Variants in SLCO5A1 observed in about 807,000 individuals in gnomAD.
SLCO5A1 encodes the protein organic anion transporter polypeptide-related protein 4.
SLCO5A1 carries 39 observed loss-of-function variants against 65.1 expected under a neutral mutation model. The ratio of observed to expected loss-of-function variants is 0.60; its 90% CI spans 0.46 to 0.78. The LOEUF (loss-of-function observed/expected upper bound fraction) is 0.78, where lower values mean the gene tolerates loss of function less well. SLCO5A1 is among the 30% of genes least tolerant of loss of function. The pLI, the probability that SLCO5A1 is intolerant of heterozygous loss-of-function variation, is 0.00. For missense variants in SLCO5A1, 1,029 were observed against 1,069.4 expected, an observed-to-expected ratio of 0.96 and a Z score of 0.53; for synonymous variants, 438 against 415.7, an observed-to-expected ratio of 1.05 and a Z score of -0.65.
chr8:69,821,298 G>T (rs1820627317), intron 2 of SLCO5A1, among the ~76,000 whole-genome samples: 1 of 152,040 alleles, frequency 6.6e-6, no homozygotes, highest in Admixed American at 6.6e-5. Flanking sequence ...GGTGGAGGTT[G>T]CAGTGAGCTC....
At chr8:69,821,128 T>C (rs1355341243) in intron 2 of SLCO5A1, among the ~76,000 whole-genome samples, 1 of 152,028 alleles carries the variant, frequency 6.6e-6, no homozygotes, top group Non-Finnish European at 1.5e-5. Context: ...TATATTACTA[T>C]AAAATCTTGA....
intron 2 of SLCO5A1, among the ~76,000 whole-genome samples, chr8:69,764,070 G>A (rs1817937214): frequency 6.6e-6 from 1 of 152,060 alleles, no homozygotes; most frequent in Non-Finnish European, 1.5e-5. Context: ...TTACCACGTT[G>A]GCCATACTGG....
At chr8:69,684,460 T>C (rs1246617038) in intron 6 of SLCO5A1, among the ~76,000 whole-genome samples, 1 of 152,150 alleles carries the variant, frequency 6.6e-6, no homozygotes, top group African/African-American at 2.4e-5. Flanking sequence ...CTAGTTGCTT[T>C]GCTAATTATA....
At chr8:69,733,227 A>C (rs1373259679) in intron 5 of SLCO5A1, among the ~76,000 whole-genome samples, 1 of 152,198 alleles carries the variant, frequency 6.6e-6, no homozygotes, top group African/African-American at 2.4e-5. Flanking sequence ...AGGTGCTATC[A>C]TCATAAATAA....
intron 5 of SLCO5A1, among the ~76,000 whole-genome samples, chr8:69,707,750 C>A (rs1815039124): frequency 1.3e-5 from 2 of 152,156 alleles, no homozygotes; most frequent in South Asian, 4.1e-4. Flanking sequence ...CAGTAGGGCC[C>A]CACAAAGATG....
chr8:69,775,729 T>C (rs1417429404), intron 2 of SLCO5A1, among the ~76,000 whole-genome samples: 1 of 152,120 alleles, frequency 6.6e-6, no homozygotes, highest in Non-Finnish European at 1.5e-5. Flanking sequence ...AAATAGAAGC[T>C]GCAGCTGGAC....
chr8:69,755,376 C>A, intron 4 of SLCO5A1, 48 bp downstream of exon 4: 2 of 1,502,174 alleles, frequency 1.3e-6, no homozygotes, highest in Non-Finnish European at 1.8e-6. Context: ...CTATGAGTAG[C>A]ACTGATCAAA....
chr8:69,708,332 T>C (rs571446823), intron 5 of SLCO5A1, among the ~76,000 whole-genome samples: 1 of 152,184 alleles, frequency 6.6e-6, no homozygotes, highest in Non-Finnish European at 1.5e-5. Flanking sequence ...ACCTTAGCCT[T>C]AGAATGAAGA....
intron 6 of SLCO5A1, among the ~76,000 whole-genome samples, chr8:69,701,050 C>T (rs966386931): frequency 6.6e-6 from 1 of 152,018 alleles, no homozygotes; most frequent in African/African-American, 2.4e-5. Context: ...AACATTGTGT[C>T]CAGATGAGAG....
chr8:69,823,973 C>A (rs1310491927), intron 2 of SLCO5A1, among the ~76,000 whole-genome samples: 1 of 152,192 alleles, frequency 6.6e-6, no homozygotes, highest in Non-Finnish European at 1.5e-5. Flanking sequence ...TTAAGAAACT[C>A]ACTCAAAACT....
At chr8:69,735,063 T>C (rs1344657865) in intron 5 of SLCO5A1, among the ~76,000 whole-genome samples, 2 of 152,068 alleles carry the variant, frequency 1.3e-5, no homozygotes, top group African/African-American at 2.4e-5. Flanking sequence ...AAGAAACATA[T>C]GAAAAAAGCT....
intron 9 of SLCO5A1, among the ~76,000 whole-genome samples, chr8:69,674,845 A>G (rs1813481906): frequency 6.9e-6 from 1 of 143,886 alleles, no homozygotes; most frequent in Non-Finnish European, 1.5e-5. Flanking sequence ...ACATGGTGAA[A>G]CCCCATCTCT....
chr8:69,781,415 C>T (rs1340469370), intron 2 of SLCO5A1, among the ~76,000 whole-genome samples: 1 of 152,188 alleles, frequency 6.6e-6, no homozygotes, highest in Admixed American at 6.5e-5. Flanking sequence ...TCTTGGTACA[C>T]TTTAAGTAAG....
rs768222143 is a variant in SLCO5A1, at chr8:69,682,244, T to A, written c.1722A>T (p.Gly574=). The A allele has an allele frequency of 1.2e-5, 19 of 1,613,080 alleles. No individual in the cohort carries two copies. In the East Asian group the frequency reaches 4.0e-4, roughly 34 times the overall value. Reference sequence around the variant, plus strand: ...CCAGACAAGGGTTAAAGTATGTAATTCCATCTGATCCACAGACTGGCTCAT... The same window carrying A: ...CCAGACAAGGGTTAAAGTATGTAATACCATCTGATCCACAGACTGGCTCAT... ...HEYEPVCGSD[G]ITYFNPCLAG... The change falls in exon 7 of 10, where the codon GGA becomes GGT. Residue 574 remains glycine, a synonymous_variant. Coordinates refer to ENST00000260126, the MANE Select transcript of SLCO5A1 (RefSeq NM_030958.3).
intron 3 of SLCO5A1, among the ~76,000 whole-genome samples, chr8:69,756,287 C>T (rs1817539603): frequency 6.6e-6 from 1 of 152,068 alleles, no homozygotes. Context: ...CACCTGTAAT[C>T]CCAGCTACTC....
chr8:69,777,022 C>T (rs1049971647), intron 2 of SLCO5A1, among the ~76,000 whole-genome samples: 1 of 152,188 alleles, frequency 6.6e-6, no homozygotes, highest in African/African-American at 2.4e-5. Context: ...AGGAGTCAAA[C>T]ATATACATAT....
rs1208849517 is a variant in SLCO5A1, at chr8:69,668,104, G to T, written c.*4765C>A. The T allele has an allele frequency of 1.3e-5, 2 of 151,980 alleles. No homozygotes were observed. The highest frequency in any genetic ancestry group is 6.6e-5 in the Admixed American group (1 of 15,256). The allele number at this position is 151,980 out of a possible 1,614,324, so 9.4% of individuals were successfully genotyped here. On this transcript the variant is annotated 3_prime_UTR_variant, in exon 10 of 10. Transcript: ENST00000260126. ...GAGGGTTTTTTGTTTTCTGTTTTTT[G>T]TTGTTGTTGTTGTATTTGACCCTTC... is the stretch of plus-strand genomic sequence containing the variant.
chr8:69,707,008 G>A (rs1314747227), intron 5 of SLCO5A1, among the ~76,000 whole-genome samples: 2 of 152,076 alleles, frequency 1.3e-5, no homozygotes, highest in South Asian at 2.1e-4. Flanking sequence ...ATTAGCTAGG[G>A]GTGGTGGCGT....
chr8:69,772,331 G>A (rs149272881), intron 2 of SLCO5A1, among the ~76,000 whole-genome samples: 52 of 151,824 alleles, frequency 3.4e-4, no homozygotes, highest in Middle Eastern at 3.4e-3. Context: ...GACCACCCTG[G>A]GCAACATAGT....
Sources: allele counts gnomAD v4.1 joint callset (sites outside exome capture counted in the v4.1 genomes callset), GRCh38; gene constraint gnomAD v4.1.1; transcripts MANE v1.5; gene names NCBI Gene and HGNC (gene_info 2026-07-23, HGNC 2026-07-21).